ADARB2: variants seen among roughly 807,000 people sequenced by gnomAD.
The protein encoded by ADARB2 is inactive double-stranded RNA-specific editase B2.
Under a neutral mutation model 62.2 loss-of-function variants are expected in ADARB2, and 25 were observed. The ratio of observed to expected loss-of-function variants is 0.40; its 90% CI spans 0.29 to 0.56. The LOEUF is 0.56. ADARB2 is among the 20% of genes least tolerant of loss of function. The pLI is 0.43. For synonymous variants in ADARB2, 572 were observed against 500.8 expected, an observed-to-expected ratio of 1.14 and a Z score of -1.90; for missense variants, 1,071 against 1,077.4, an observed-to-expected ratio of 0.99 and a Z score of 0.08.
In ADARB2 at chr10:1,695,676, T is replaced by G. The variant is rs556476355; in HGVS notation, c.100+41375A>C. Among the ~76,000 whole-genome samples the G allele has an allele frequency of 9.9e-4, 150 of 152,242 alleles. 1 individual carries two copies. The highest frequency in any genetic ancestry group is 3.5e-3 in the African/African-American group (146 of 41,552). On this transcript the variant is annotated intron_variant, in intron 1 of 9. Transcript: ENST00000381312. ...GCATGCGAGAGCGTATGTGCATGTA[T>G]GCAAGAAACATGAATGTGTGTGCAT...
chr10:1,727,342 C>G (rs1387800472), intron 1 of ADARB2, among the ~76,000 whole-genome samples: 4 of 152,078 alleles, frequency 2.6e-5, no homozygotes, highest in Non-Finnish European at 5.9e-5. Context: ...GTCTCGTCAC[C>G]CCAAAGGTGG....
chr10:1,518,744 G>C (rs927069552), intron 1 of ADARB2, among the ~76,000 whole-genome samples: 1 of 151,640 alleles, frequency 6.6e-6, no homozygotes. Flanking sequence ...ATTGTCATAC[G>C]CATGCATTCC....
chr10:1,499,821 C>G (rs1831742179), intron 1 of ADARB2, among the ~76,000 whole-genome samples: 1 of 152,080 alleles, frequency 6.6e-6, no homozygotes, highest in South Asian at 2.1e-4. Flanking sequence ...ATCACTCACT[C>G]ATCACTTAAC....
chr10:1,279,089 C>T (rs548544734), intron 3 of ADARB2, among the ~76,000 whole-genome samples: 33 of 152,222 alleles, frequency 2.2e-4, no homozygotes, highest in African/African-American at 7.9e-4. Flanking sequence ...CTGGGGCTGC[C>T]GTAAAAGAAT....
intron 1 of ADARB2, among the ~76,000 whole-genome samples, chr10:1,401,369 G>A (rs530919171): frequency 2.0e-5 from 3 of 152,332 alleles, no homozygotes; most frequent in Admixed American, 6.5e-5. Flanking sequence ...GTCATGCTGC[G>A]GGAAGCCTGG....
intron 1 of ADARB2, among the ~76,000 whole-genome samples, chr10:1,511,730 T>G (rs1831938908): frequency 6.6e-6 from 1 of 151,766 alleles, no homozygotes; most frequent in South Asian, 2.1e-4. Context: ...TTTGATACTG[T>G]CTACACTGGA....
At chr10:1,335,744 C>T (rs1348256441) in intron 3 of ADARB2, among the ~76,000 whole-genome samples, 2 of 152,186 alleles carry the variant, frequency 1.3e-5, no homozygotes, top group South Asian at 4.1e-4. Context: ...TACTCTGTCA[C>T]TTTTCTCTGA....
chr10:1,259,242 A>G (rs1315233613), intron 4 of ADARB2, among the ~76,000 whole-genome samples: 1 of 152,226 alleles, frequency 6.6e-6, no homozygotes, highest in Non-Finnish European at 1.5e-5. Flanking sequence ...GAAAAGAACT[A>G]GACAAGCAAG....
chr10:1,268,499 A>G (rs778776139), intron 4 of ADARB2, among the ~76,000 whole-genome samples: 2 of 152,238 alleles, frequency 1.3e-5, no homozygotes, highest in Non-Finnish European at 2.9e-5. Context: ...GGCAAATCAA[A>G]TTGTGTTTTA....
intron 1 of ADARB2, among the ~76,000 whole-genome samples, chr10:1,425,581 G>T (rs1362488018): frequency 6.6e-6 from 1 of 152,230 alleles, no homozygotes; most frequent in Non-Finnish European, 1.5e-5. Context: ...ACCGCGGTGT[G>T]GGAGCCTGGG....
intron 3 of ADARB2, among the ~76,000 whole-genome samples, chr10:1,289,368 G>T (rs1235107575): frequency 6.6e-6 from 1 of 152,224 alleles, no homozygotes; most frequent in Admixed American, 6.5e-5. Flanking sequence ...AGGACCTCCT[G>T]AGGCTGTGTC....
At chr10:1,511,804 C>T (rs565461630) in intron 1 of ADARB2, among the ~76,000 whole-genome samples, 1 of 151,648 alleles carries the variant, frequency 6.6e-6, no homozygotes, top group African/African-American at 2.4e-5. Flanking sequence ...CACTGGACAC[C>T]AAGACGTCAA....
intron 1 of ADARB2, among the ~76,000 whole-genome samples, chr10:1,532,726 C>T (rs547151972): frequency 7.3e-4 from 111 of 152,270 alleles, no homozygotes; most frequent in African/African-American, 2.4e-3. Context: ...GGGATGTGAC[C>T]GCTGGCTATG....
At chr10:1,730,738 A>G (rs1835219873) in intron 1 of ADARB2, among the ~76,000 whole-genome samples, 1 of 152,210 alleles carries the variant, frequency 6.6e-6, no homozygotes, top group Non-Finnish European at 1.5e-5. Context: ...TAATATAAAT[A>G]TGGAATTTAG....
At chr10:1,297,792 C>A (rs376836520) in intron 3 of ADARB2, among the ~76,000 whole-genome samples, 13 of 152,324 alleles carry the variant, frequency 8.5e-5, no homozygotes, top group African/African-American at 2.2e-4. Flanking sequence ...GCGGGCACAG[C>A]CAGGACAGCA....
At chr10:1,501,278 T>A (rs1277981433) in intron 1 of ADARB2, among the ~76,000 whole-genome samples, 1 of 152,132 alleles carries the variant, frequency 6.6e-6, no homozygotes, top group Non-Finnish European at 1.5e-5. Flanking sequence ...GGGAAACAGT[T>A]TTGAGTCTCC....
chr10:1,702,489 C>A (rs1834834504), intron 1 of ADARB2, among the ~76,000 whole-genome samples: 1 of 152,208 alleles, frequency 6.6e-6, no homozygotes, highest in African/African-American at 2.4e-5. Flanking sequence ...GTAGGGAATC[C>A]CGAAAATCTG....
In ADARB2 at chr10:1,327,517, C is replaced by T. The variant is rs1439286014; in HGVS notation, c.1077+35511G>A. ...CGCCTCCTCACTGCCCAGCGCCTCC[C>T]CATGGCACAGCGCCTCCTCACTGCC... On this transcript the variant is annotated intron_variant, in intron 3 of 9. Coordinates refer to ENST00000381312, the MANE Select transcript of ADARB2 (RefSeq NM_018702.4). Among the ~76,000 whole-genome samples, 63 of 33,680 alleles carry T rather than the reference C, an allele frequency of 1.9e-3. 1 individual carries two copies. Among genetic ancestry groups the T allele is most frequent in the African/African-American group, 2.8e-3 (19 of 6,862 alleles). The allele number at this position is 33,680 out of a possible 152,430, so 22.1% of individuals were successfully genotyped here.
At chr10:1,635,678 G>C (rs1478539694) in intron 1 of ADARB2, among the ~76,000 whole-genome samples, 1 of 152,152 alleles carries the variant, frequency 6.6e-6, no homozygotes, top group Non-Finnish European at 1.5e-5. Context: ...AACGGAACTG[G>C]CTGGCCACAT....
Sources: gnomAD v4.1 joint callset for allele counts (sites outside exome capture counted in the v4.1 genomes callset) on GRCh38, gnomAD v4.1.1 for gene constraint, MANE v1.5 for transcripts, NCBI Gene and HGNC (gene_info 2026-07-23, HGNC 2026-07-21) for gene names.